The following NPHS2 variants were observed in gnomAD, a reference collection of about 807,000 sequenced individuals.
NPHS2 encodes podocin.
A neutral mutation model predicts 37.1 loss-of-function variants in NPHS2; 36 were observed. That is an observed-to-expected ratio of 0.97 (90% CI 0.74 to 1.28). The LOEUF is 1.28. Among genes scored for constraint, NPHS2 ranks in the 50% most tolerant of loss-of-function variants. NPHS2 has a pLI of 0.00. For synonymous variants in NPHS2, 196 were observed against 189.3 expected, an observed-to-expected ratio of 1.04 and a Z score of -0.29; for missense variants, 447 against 488.1, an observed-to-expected ratio of 0.92 and a Z score of 0.79.
At chr1:179,569,751 T>G (rs535886218) in intron 1 of NPHS2, among the ~76,000 whole-genome samples, 2 of 152,300 alleles carry the variant, frequency 1.3e-5, no homozygotes, top group East Asian at 3.9e-4. Flanking sequence ...TGATAAAATC[T>G]CTCAGCATTT....
chr1:179,554,633 C>T, intron 5 of NPHS2, 102 bp from the exon 6 acceptor site: 1 of 1,501,654 alleles, frequency 6.7e-7, no homozygotes, highest in Non-Finnish European at 9.3e-7. Flanking sequence ...ACAACATTCC[C>T]TTTGAAAGGA....
rs1673951382 is a variant in NPHS2 at position 179,556,873 on chromosome 1, AG to A, written c.738+153del. On this transcript the variant is annotated intron_variant, in intron 5 of 7. Transcript: ENST00000367615. This position sits in a 1 kb window ranked among gnomAD's most constrained non-coding sequence, Gnocchi z 4.1. ...ATACTGATAACTATAATTGACTCAG[AG>A]TCAATTTGGCAACCTCCTAACTAGC... 6.6e-6 allele frequency among the ~76,000 whole-genome samples: 1 copy of A among 152,240 alleles called. No individual in the cohort carries two copies. The highest frequency in any genetic ancestry group is 2.1e-4 in the South Asian group (1 of 4,836).
chr1:179,554,439 T>C, intron 6 of NPHS2, 37 bp downstream of exon 6: 3 of 1,613,166 alleles, frequency 1.9e-6, no homozygotes, highest in Non-Finnish European at 2.5e-6. Context: ...ATATTTTCCT[T>C]TATCATACAG....
rs947635787 is a variant in NPHS2 at position 179,556,956 on chromosome 1, T to C, written c.738+71A>G. The C allele has an allele frequency of 2.1e-6, 3 of 1,399,580 alleles. No homozygotes were observed. The highest frequency in any genetic ancestry group is 3.0e-6 in the Non-Finnish European group (3 of 1,009,370). 86.7% of individuals were successfully genotyped at this position (1,399,580 alleles called of 1,614,324 possible). A position where few individuals can be genotyped will look rare whatever the true frequency, so the allele number is the denominator to read the frequency against. ...ATGGAACTGGCCATAGAAGATTTAA[T>C]AAATGTCCAATGAACAAATGAATAA... On this transcript the variant is annotated intron_variant, in intron 5 of 7. Transcript: ENST00000367615. This position sits in a 1 kb window ranked among gnomAD's most constrained non-coding sequence, Gnocchi z 4.1.
chr1:179,574,641 G>A (rs1003219339), intron 1 of NPHS2, among the ~76,000 whole-genome samples: 27 of 152,194 alleles, frequency 1.8e-4, no homozygotes, highest in African/African-American at 6.5e-4. Flanking sequence ...TTAAATGGTA[G>A]CTTTCAGTGA....
At chr1:179,566,741 G>A (rs1182388781) in intron 1 of NPHS2, among the ~76,000 whole-genome samples, 2 of 152,080 alleles carry the variant, frequency 1.3e-5, no homozygotes, top group African/African-American at 2.4e-5. Context: ...CAATTTTTGT[G>A]TAAGGTGTAA....
chr1:179,562,938 C>A (rs573495534), intron 2 of NPHS2, among the ~76,000 whole-genome samples: 1 of 152,316 alleles, frequency 6.6e-6, no homozygotes, highest in Non-Finnish European at 1.5e-5. Flanking sequence ...CTTCTTAGGG[C>A]TTACCATCTT....
Position 179,556,023 on chromosome 1 carries a change from G to A in NPHS2, c.738+1004C>T, listed in dbSNP as rs772411101. Among the ~76,000 whole-genome samples, 4 of 152,090 alleles carry A rather than the reference G, an allele frequency of 2.6e-5. No homozygotes were observed. Among genetic ancestry groups the A allele is most frequent in the African/African-American group, 9.7e-5 (4 of 41,406 alleles). On this transcript the variant is annotated intron_variant, in intron 5 of 7. Coordinates refer to ENST00000367615, the MANE Select transcript of NPHS2 (RefSeq NM_014625.4). This position sits in a 1 kb window ranked among gnomAD's most constrained non-coding sequence, Gnocchi z 4.1. ...TAGGATACATGCATTTTTGACTTAC[G>A]ATATTTTTTGCTTTATGATGGTTTA...
chr1:179,571,944 G>A (rs957626270), intron 1 of NPHS2, among the ~76,000 whole-genome samples: 12 of 152,192 alleles, frequency 7.9e-5, no homozygotes, highest in African/African-American at 2.9e-4. Flanking sequence ...ATTTGGGTGT[G>A]AGTGTCCTGT....
intron 1 of NPHS2, among the ~76,000 whole-genome samples, chr1:179,568,337 G>T (rs1674415975): frequency 6.6e-6 from 1 of 152,162 alleles, no homozygotes; most frequent in African/African-American, 2.4e-5. Context: ...TACTTTATTT[G>T]TGTAGAGGTG....
intron 1 of NPHS2, among the ~76,000 whole-genome samples, chr1:179,572,069 T>C (rs1674585585): frequency 6.6e-6 from 1 of 152,228 alleles, no homozygotes; most frequent in Non-Finnish European, 1.5e-5. Context: ...CTCCATGGGC[T>C]GCACTCACTT....
chr1:179,565,144 C>T (rs1227266246), intron 1 of NPHS2, among the ~76,000 whole-genome samples: 6 of 152,000 alleles, frequency 3.9e-5, no homozygotes, highest in Middle Eastern at 3.2e-3. Flanking sequence ...TATGGTGGTG[C>T]GTGCCTGTAG....
intron 1 of NPHS2, among the ~76,000 whole-genome samples, chr1:179,569,308 G>C (rs1674458518): frequency 1.2e-5 from 1 of 81,720 alleles, no homozygotes; most frequent in South Asian, 4.8e-4. Flanking sequence ...TTATGTAATG[G>C]CCTTCTTTGT....
In NPHS2 at chr1:179,575,788, C is replaced by T. The variant is rs530691832; in HGVS notation, c.77G>A (p.Arg26Lys). The change falls in exon 1 of 8, where the codon AGG becomes AAG. Residue 26 changes from arginine (R) to lysine (K), a missense_variant. Coordinates refer to ENST00000367615, the MANE Select transcript of NPHS2 (RefSeq NM_014625.4). ...TCCGCCGCTCCTCTCGGCCTTTGCC[C>T]TCTTGTTCTCCTTGTGCGGAGTCCT... ...GGRTPHKENK[R>K]AKAERSGGGR... is the part of the protein sequence containing the mutation. 1.3e-6 allele frequency: 2 copies of T among 1,493,518 alleles called. No homozygotes were observed. Among genetic ancestry groups the T allele is most frequent in the African/African-American group, 1.5e-5 (1 of 68,960 alleles). 92.5% of individuals were successfully genotyped at this position (1,493,518 alleles called of 1,614,324 possible). A position where few individuals can be genotyped will look rare whatever the true frequency, so the allele number is the denominator to read the frequency against.
intron 2 of NPHS2, among the ~76,000 whole-genome samples, chr1:179,562,798 T>C (rs1011368695): frequency 6.6e-6 from 1 of 152,230 alleles, no homozygotes; most frequent in Non-Finnish European, 1.5e-5. Context: ...TTTCCTAGCA[T>C]TACTTGTTTC....
At chr1:179,559,562 G>C in intron 4 of NPHS2, 117 bp downstream of exon 4, 1 of 723,532 alleles carries the variant, frequency 1.4e-6, no homozygotes, top group South Asian at 1.5e-5. Context: ...TTTAAGTTAT[G>C]ATGTAGTCCA....
At chr1:179,566,515 G>C (rs1228366386) in intron 1 of NPHS2, among the ~76,000 whole-genome samples, 6 of 152,198 alleles carry the variant, frequency 3.9e-5, no homozygotes, top group Non-Finnish European at 7.3e-5. Context: ...TCTGTAGGTT[G>C]CCTGTTCACT....
chr1:179,556,940 G>T lies in NPHS2; in HGVS notation c.738+87C>A. 1.6e-6 allele frequency: 2 copies of T among 1,284,150 alleles called. No homozygotes were observed. Among genetic ancestry groups the T allele is most frequent in the East Asian group, 2.5e-5 (1 of 39,738 alleles). 79.5% of individuals were successfully genotyped at this position (1,284,150 alleles called of 1,614,324 possible). Reference sequence around the variant, plus strand: ...GGATGGCCCCTAAGGGATGGAACTGGCCATAGAAGATTTAATAAATGTCCA... The same window carrying T: ...GGATGGCCCCTAAGGGATGGAACTGTCCATAGAAGATTTAATAAATGTCCA... On this transcript the variant is annotated intron_variant, in intron 5 of 7. Transcript: ENST00000367615. The surrounding 1 kb of genome is among the most constrained non-coding windows in gnomAD (Gnocchi z 4.1).
chr1:179,554,652 G>T (rs1260093338), intron 5 of NPHS2, 121 bp from the exon 6 acceptor site: 4 of 1,393,728 alleles, frequency 2.9e-6, no homozygotes, highest in Non-Finnish European at 4.1e-6. Flanking sequence ...GACATTATTT[G>T]CCTGTTGTAT....
Sources: allele counts gnomAD v4.1 joint callset (sites outside exome capture counted in the v4.1 genomes callset), GRCh38; gene constraint gnomAD v4.1.1; non-coding constraint Gnocchi (gnomAD v3.1); transcripts MANE v1.5; gene names NCBI Gene and HGNC (gene_info 2026-07-23, HGNC 2026-07-21).